Variants in HS3ST3A1 observed in about 807,000 individuals in gnomAD.
The protein encoded by HS3ST3A1 is heparan sulfate glucosamine 3-O-sulfotransferase 3A1.
Under a neutral mutation model 25.7 loss-of-function variants are expected in HS3ST3A1, and 19 were observed. That is an observed-to-expected ratio of 0.74 (90% CI 0.52 to 1.08). The LOEUF (loss-of-function observed/expected upper bound fraction) is 1.08. Ranked by LOEUF, HS3ST3A1 falls within the 50% of genes least tolerant of loss-of-function variation. The probability of loss-of-function intolerance (pLI) is 0.00; values close to 1 mark genes in which losing one functional copy is unlikely to be tolerated. For synonymous variants in HS3ST3A1, 226 were observed against 278.6 expected (o/e 0.81, Z 1.88); for missense variants, 459 against 594.3 (o/e 0.77, Z 2.37).
intron 1 of HS3ST3A1, among the ~76,000 whole-genome samples, chr17:13,504,934 A>T (rs926776874): frequency 1.3e-5 from 2 of 152,200 alleles, no homozygotes; most frequent in Non-Finnish European, 2.9e-5. Context: ...AAGAGTGTGA[A>T]CTCAGAAGAG....
At chr17:13,559,875 T>C (rs1384281904) in intron 1 of HS3ST3A1, among the ~76,000 whole-genome samples, 1 of 152,144 alleles carries the variant, frequency 6.6e-6, no homozygotes, top group African/African-American at 2.4e-5. Flanking sequence ...ATATTTATTT[T>C]TCAAGCAGCA....
At chr17:13,586,454 C>T (rs1278487703) in intron 1 of HS3ST3A1, among the ~76,000 whole-genome samples, 1 of 151,812 alleles carries the variant, frequency 6.6e-6, no homozygotes, top group Non-Finnish European at 1.5e-5. Context: ...AATGCCCCCT[C>T]CTCTGACTCT....
In HS3ST3A1 at chr17:13,525,919, A is replaced by G. The variant is rs936579133; in HGVS notation, c.600-29101T>C. Among the ~76,000 whole-genome samples, 7 of 151,998 alleles carry G rather than the reference A, an allele frequency of 4.6e-5. No homozygotes were observed. The East Asian group carries it at 1.4e-3, about 29-fold the overall frequency. On this transcript the variant is annotated intron_variant, in intron 1 of 1. Transcript: ENST00000284110. ...AAATTAAAAGTCAAATAAATATCCCAAGAGGAGGAGGCAGGGAGACAGCAC... is the reference window on the plus strand; with the variant it reads ...AAATTAAAAGTCAAATAAATATCCCGAGAGGAGGAGGCAGGGAGACAGCAC...
chr17:13,507,725 T>C (rs963986869), intron 1 of HS3ST3A1, among the ~76,000 whole-genome samples: 1 of 152,238 alleles, frequency 6.6e-6, no homozygotes, highest in Non-Finnish European at 1.5e-5. Flanking sequence ...GTACTTTTTT[T>C]AAGTCTATAC....
At chr17:13,562,613 T>C (rs563081771) in intron 1 of HS3ST3A1, among the ~76,000 whole-genome samples, 20 of 151,906 alleles carry the variant, frequency 1.3e-4, no homozygotes, top group African/African-American at 4.8e-4. Context: ...CTTCAGCCCT[T>C]CCCCCAGGCT....
intron 1 of HS3ST3A1, among the ~76,000 whole-genome samples, chr17:13,555,071 C>T (rs1411837647): frequency 5.9e-5 from 9 of 152,120 alleles, no homozygotes; most frequent in Admixed American, 5.2e-4. Context: ...TGGTGTCCCA[C>T]GCTACCTACC....
chr17:13,559,601 T>C (rs909804138), intron 1 of HS3ST3A1, among the ~76,000 whole-genome samples: 10 of 150,026 alleles, frequency 6.7e-5, no homozygotes, highest in Non-Finnish European at 1.2e-4. Flanking sequence ...ATATGTTTAA[T>C]TTATTATTGG....
intron 1 of HS3ST3A1, among the ~76,000 whole-genome samples, chr17:13,499,251 CCTT>C (rs1905380667): frequency 1.3e-5 from 2 of 152,230 alleles, no homozygotes; most frequent in East Asian, 1.9e-4. Context: ...CTCTGTGACT[CCTT>C]CTGTGGAACT....
chr17:13,540,741 AG>A (rs1470874057), intron 1 of HS3ST3A1, among the ~76,000 whole-genome samples: 1 of 152,244 alleles, frequency 6.6e-6, no homozygotes, highest in Non-Finnish European at 1.5e-5. Context: ...AGTCTCCTAG[AG>A]AAAAAGCATT....
At chr17:13,532,891 G>GTGTT (rs1278369879) in intron 1 of HS3ST3A1, among the ~76,000 whole-genome samples, 1 of 113,702 alleles carries the variant, frequency 8.8e-6, no homozygotes, top group African/African-American at 3.8e-5. Flanking sequence ...GTGTGTGTGT[G>GTGTT]TGTATATGTT....
chr17:13,572,642 G>A (rs1446701714), intron 1 of HS3ST3A1, among the ~76,000 whole-genome samples: 1 of 152,152 alleles, frequency 6.6e-6, no homozygotes, highest in East Asian at 1.9e-4. Context: ...TAGAGGAGAG[G>A]TCCAGGCTGT....
At chr17:13,502,531 T>G (rs1383903302) in intron 1 of HS3ST3A1, among the ~76,000 whole-genome samples, 1 of 152,210 alleles carries the variant, frequency 6.6e-6, no homozygotes. Context: ...TCTTATCAAT[T>G]TGGGCCATTT....
At chr17:13,565,495 G>A (rs1907654576) in intron 1 of HS3ST3A1, among the ~76,000 whole-genome samples, 1 of 152,166 alleles carries the variant, frequency 6.6e-6, no homozygotes, top group South Asian at 2.1e-4. Context: ...TCGTGCCACT[G>A]CACTCCAGCC....
chr17:13,601,074 C>A lies in HS3ST3A1; in HGVS notation c.56G>T (p.Arg19Leu). Residue 19 changes from arginine to leucine, a missense_variant, in exon 1 of 2, where the codon CGC becomes CTC. Transcript: ENST00000284110. The stretch of plus-strand genomic sequence containing the variant: ...CAGCAAGAACTTCCGGAAGATGCTG[C>A]GGGACAGCGGCTCGGCCGAGGTGGA... ...ALSTSAEPLS[R>L]SIFRKFLLML... The A allele has an allele frequency of 1.9e-6, 3 of 1,597,116 alleles. No homozygotes were observed. Among genetic ancestry groups the A allele is most frequent in the Non-Finnish European group, 2.6e-6 (3 of 1,172,838 alleles).
At chr17:13,498,020 C>G (rs922224996) in intron 1 of HS3ST3A1, among the ~76,000 whole-genome samples, 2 of 152,164 alleles carry the variant, frequency 1.3e-5, no homozygotes, top group African/African-American at 4.8e-5. Flanking sequence ...CAAACATAAA[C>G]AAAAGCAGAG....
chr17:13,589,056 A>G (rs1405066563), intron 1 of HS3ST3A1, among the ~76,000 whole-genome samples: 1 of 152,258 alleles, frequency 6.6e-6, no homozygotes, highest in South Asian at 2.1e-4. Flanking sequence ...TCTAACTCTG[A>G]CCTTCACCAC....
chr17:13,499,779 G>A (rs1278789087), intron 1 of HS3ST3A1, among the ~76,000 whole-genome samples: 2 of 152,138 alleles, frequency 1.3e-5, no homozygotes, highest in Admixed American at 1.3e-4. Context: ...GTTTGAAGAG[G>A]AAACAGCTAA....
chr17:13,509,879 C>T (rs1905806272), intron 1 of HS3ST3A1, among the ~76,000 whole-genome samples: 2 of 152,184 alleles, frequency 1.3e-5, no homozygotes, highest in African/African-American at 4.8e-5. Flanking sequence ...ATGCTTGGCT[C>T]ACTGTTCTTT....
chr17:13,509,828 G>A (rs184723028), intron 1 of HS3ST3A1, among the ~76,000 whole-genome samples: 13 of 152,284 alleles, frequency 8.5e-5, no homozygotes, highest in Admixed American at 2.6e-4. Context: ...TCATTCAGCC[G>A]AAAGAACACA....
Sources: allele counts gnomAD v4.1 joint callset (sites outside exome capture counted in the v4.1 genomes callset), GRCh38; gene constraint gnomAD v4.1.1; transcripts MANE v1.5; gene names NCBI Gene and HGNC (gene_info 2026-07-23, HGNC 2026-07-21).